Variants in AKNA observed in about 807,000 individuals in gnomAD.
AKNA encodes the protein microtubule organization protein AKNA.
Under a neutral mutation model 138.8 loss-of-function variants are expected in AKNA, and 67 were observed. The observed-to-expected ratio is 0.48, with a 90% CI of 0.40 to 0.59. The LOEUF (loss-of-function observed/expected upper bound fraction) is 0.59, where lower values mean the gene tolerates loss of function less well. Among genes scored for constraint, AKNA ranks in the 20% least tolerant of loss-of-function variants. The pLI, the probability that AKNA is intolerant of heterozygous loss-of-function variation, is 0.00. For synonymous variants in AKNA, 737 were observed against 754.4 expected, an observed-to-expected ratio of 0.98 and a Z score of 0.38; for missense variants, 1,813 against 1,880.4, an observed-to-expected ratio of 0.96 and a Z score of 0.66.
upstream of AKNA, among the ~76,000 whole-genome samples, chr9:114,389,179 G>T (rs1713716463): frequency 6.6e-6 from 1 of 151,696 alleles, no homozygotes; most frequent in South Asian, 2.1e-4. Flanking sequence ...GGAGCCAGCG[G>T]GCTTTCCCTG....
At chr9:114,343,254 T>C (rs1299688300) in intron 19 of AKNA, among the ~76,000 whole-genome samples, 1 of 152,224 alleles carries the variant, frequency 6.6e-6, no homozygotes, top group East Asian at 1.9e-4. Context: ...CCTTTCATTA[T>C]AGATGTGGTG....
At chr9:114,354,574 A>G (rs1318759366) in intron 14 of AKNA, among the ~76,000 whole-genome samples, 2 of 151,886 alleles carry the variant, frequency 1.3e-5, no homozygotes, top group Non-Finnish European at 2.9e-5. Context: ...TTAGCCAGGC[A>G]TGGTGGTGGG....
intron 4 of AKNA, among the ~76,000 whole-genome samples, chr9:114,372,680 G>A (rs942294885): frequency 3.3e-5 from 5 of 152,160 alleles, no homozygotes; most frequent in African/African-American, 1.2e-4. Flanking sequence ...AAGCCCAAGT[G>A]TTTGGGTCTG....
At position 114,381,279 on chromosome 9, in the gene AKNA, G is replaced by T; in HGVS notation, c.55C>A (p.Pro19Thr). Residue 19 changes from proline to threonine, a missense_variant, in exon 2 of 22, where the codon CCC (proline) becomes ACC (threonine). By Grantham distance (38) the Pro-to-Thr change is conservative. Coordinates refer to ENST00000374088, the MANE Select transcript of AKNA (RefSeq NM_001317950.2). ...GCCCAGGCCCAGCGCCGCCGCTGGGGGCCCTTCCCCAGGCCAGGCTCAGCC... is the reference window on the plus strand; with the variant it reads ...GCCCAGGCCCAGCGCCGCCGCTGGGTGCCCTTCCCCAGGCCAGGCTCAGCC... Reference protein sequence around the residue: ...RWAEPGLGKGPQRRRWAWAED... With the variant: ...RWAEPGLGKGTQRRRWAWAED... 1 of 1,612,446 alleles carries T rather than the reference G, an allele frequency of 6.2e-7. No homozygotes were observed. The highest frequency in any genetic ancestry group is 1.1e-5 in the South Asian group (1 of 90,742).
upstream of AKNA, among the ~76,000 whole-genome samples, chr9:114,389,449 G>A (rs1834250646): frequency 6.6e-6 from 1 of 152,180 alleles, no homozygotes; most frequent in Admixed American, 6.5e-5. Context: ...CAGAGTCACT[G>A]TGGACCTGGG....
chr9:114,356,014 T>G lies in AKNA; in HGVS notation c.2969A>C (p.Gln990Pro), dbSNP rs1831476723. 1 of 1,614,188 alleles carries G rather than the reference T, an allele frequency of 6.2e-7. No individual in the cohort carries two copies. Residue 990 changes from glutamine (Q) to proline (P), a missense_variant, in exon 14 of 22, where the codon CAA becomes CCA. Physicochemically the swap from Gln to Pro is moderately conservative, Grantham distance 76. Transcript: ENST00000374088. ...TGGGCTGGAGAGGTACCTCTGTGCT[T>G]GGCTCCGGGGTGTGCTGGGCTCTGT... ...RATEPSTPRS[Q>P]AQRYLSSPSG...
chr9:114,364,001 AT>A (rs1832154045), intron 7 of AKNA, among the ~76,000 whole-genome samples: 1 of 152,112 alleles, frequency 6.6e-6, no homozygotes, highest in Non-Finnish European at 1.5e-5. Flanking sequence ...ATAGGACTCT[AT>A]AAAGGGTCTC....
Position 114,350,967 on chromosome 9 carries a change from G to T in AKNA, c.3113C>A (p.Pro1038His). The T allele has an allele frequency of 6.2e-7, 1 of 1,613,544 alleles. No individual in the cohort carries two copies. The highest frequency in any genetic ancestry group is 1.1e-5 in the South Asian group (1 of 91,046). ...GHKRISEQPL[P>H]NKTISPPPAP... ...TGGGGGTGGGCTGATTGTCTTGTTG[G>T]GAAGGGGCTGTTCAGAAATCCGTTT... Residue 1038 changes from proline to histidine, a missense_variant, in exon 15 of 22, where the codon CCC becomes CAC. Pro to His is a moderately conservative substitution (Grantham distance 77). Transcript: ENST00000374088.
At chr9:114,393,380 TA>T (rs1440043058) in intron 1 of AKNA, among the ~76,000 whole-genome samples, 3 of 138,292 alleles carry the variant, frequency 2.2e-5, no homozygotes, top group African/African-American at 5.1e-5. Flanking sequence ...CACGCCCAGC[TA>T]ATTTTTTTTT....
At chr9:114,383,632 G>A (rs190117640) in intron 1 of AKNA, among the ~76,000 whole-genome samples, 2 of 152,334 alleles carry the variant, frequency 1.3e-5, no homozygotes, top group East Asian at 3.9e-4. Context: ...CCTGCATGCT[G>A]TGTTGAAGGC....
At chr9:114,341,836 C>A in intron 20 of AKNA, 111 bp from the exon 21 acceptor site, 1 of 1,353,114 alleles carries the variant, frequency 7.4e-7, no homozygotes, top group Non-Finnish European at 1.0e-6. Context: ...CAGGCCCTAC[C>A]CTGTGAGACT....
chr9:114,354,076 A>C (rs779139156), intron 14 of AKNA, among the ~76,000 whole-genome samples: 1 of 152,262 alleles, frequency 6.6e-6, no homozygotes, highest in African/African-American at 2.4e-5. Flanking sequence ...TAAGCTTTTT[A>C]AATGGTTTTT....
At position 114,362,512 on chromosome 9, in the gene AKNA, C is replaced by T; in HGVS notation, c.1810G>A (p.Ala604Thr). ...TACTCCTCCTCTAGGGCCGCGTGGG[C>T]AGCCTTCAGCCGCTGGAAGCCCTGA... ...QVKGFQRLKA[A>T]HAALEEEYLK... Residue 604 changes from alanine (A) to threonine (T), a missense_variant, in exon 8 of 22, where the codon GCC (alanine) becomes ACC (threonine). By Grantham distance (58) the Ala-to-Thr change is moderately conservative. Transcript: ENST00000374088. 1.2e-6 allele frequency: 2 copies of T among 1,613,248 alleles called. No homozygotes were observed. Among genetic ancestry groups the T allele is most frequent in the Non-Finnish European group, 1.7e-6 (2 of 1,179,798 alleles).
At chr9:114,340,700 G>A (rs1243520209) in intron 21 of AKNA, among the ~76,000 whole-genome samples, 1 of 152,156 alleles carries the variant, frequency 6.6e-6, no homozygotes, top group Non-Finnish European at 1.5e-5. Context: ...GGGACTCCAC[G>A]GTAGCTCTGG....
At chr9:114,346,604 G>A in intron 17 of AKNA, 65 bp downstream of exon 17, 4 of 1,315,934 alleles carry the variant, frequency 3.0e-6, no homozygotes, top group Non-Finnish European at 4.2e-6. Context: ...TGTGGTCCCT[G>A]ACCACTGAGC....
At chr9:114,354,058 T>C (rs549922438) in intron 14 of AKNA, among the ~76,000 whole-genome samples, 16 of 152,252 alleles carry the variant, frequency 1.1e-4, no homozygotes, top group Non-Finnish European at 1.9e-4. Context: ...AGTAACATTT[T>C]TACTTTATAA....
chr9:114,342,017 G>A lies in AKNA; in HGVS notation c.3866C>T (p.Ala1289Val). Residue 1289 changes from alanine (A) to valine (V), a missense_variant, in exon 20 of 22, where the codon GCC (alanine) becomes GTC (valine). Physicochemically the swap from Ala to Val is moderately conservative, Grantham distance 64. Coordinates refer to ENST00000374088, the MANE Select transcript of AKNA (RefSeq NM_001317950.2). Reference protein sequence around the residue: ...SPPEADGPGSATSGAEKATTR... With the variant: ...SPPEADGPGSVTSGAEKATTR... ...ACAGTATTTGTCCCTACCAGAGGTG[G>A]CTGAGCCTGGACCATCTGCCTCTGG... The A allele has an allele frequency of 6.2e-7, 1 of 1,613,406 alleles. No homozygotes were observed. The highest frequency in any genetic ancestry group is 1.1e-5 in the South Asian group (1 of 91,068).
At chr9:114,366,582 T>TA (rs1832376356) in intron 6 of AKNA, among the ~76,000 whole-genome samples, 2 of 150,956 alleles carry the variant, frequency 1.3e-5, no homozygotes, top group Admixed American at 1.3e-4. Context: ...GCAAATATAC[T>TA]AAAAACCGCT....
Position 114,361,889 on chromosome 9 carries a change from G to A in AKNA, c.1939C>T (p.Arg647Cys), listed in dbSNP as rs200662629. The stretch of plus-strand genomic sequence containing the variant: ...AGCTCTTCCAGGCAGCTTCCCAGAC[G>A]GTATATCTCTGCCTCCAGCTCCCTG... ...PRRELEAEIY[R>C]LGSCLEELKE... The change falls in exon 9 of 22, where the codon CGT (arginine) becomes TGT (cysteine). Residue 647 changes from arginine (R) to cysteine (C), a missense_variant. Arg to Cys is a radical substitution (Grantham distance 180). Transcript: ENST00000374088. The A allele has an allele frequency of 6.7e-5, 108 of 1,604,198 alleles. No individual in the cohort carries two copies. The highest frequency in any genetic ancestry group is 2.2e-4 in the Admixed American group (13 of 60,026).
Sources: gnomAD v4.1 joint callset for allele counts (sites outside exome capture counted in the v4.1 genomes callset) on GRCh38, gnomAD v4.1.1 for gene constraint, MANE v1.5 for transcripts, NCBI Gene and HGNC (gene_info 2026-07-23, HGNC 2026-07-21) for gene names.